The following NPFFR2 variants were observed in gnomAD, a reference collection of about 807,000 sequenced individuals.
The protein encoded by NPFFR2 is G-protein coupled receptor 74.
In NPFFR2, 15 loss-of-function variants were observed where a neutral mutation model predicts 13.1. The observed-to-expected ratio is 1.15, with a 90% CI of 0.77 to 1.76. The LOEUF (loss-of-function observed/expected upper bound fraction) is 1.76, where lower values mean the gene tolerates loss of function less well. Ranked by LOEUF, NPFFR2 falls within the 40% of genes most tolerant of loss-of-function variation. The probability of loss-of-function intolerance (pLI) is 0.00; values close to 1 mark genes in which losing one functional copy is unlikely to be tolerated. For missense variants in NPFFR2, 572 were observed against 503.5 expected (o/e 1.14, Z -1.30); for synonymous variants, 190 against 175.7 (o/e 1.08, Z -0.65).
intron 1 of NPFFR2, among the ~76,000 whole-genome samples, chr4:72,087,352 T>C (rs1333357147): frequency 5.3e-5 from 8 of 152,070 alleles, no homozygotes; most frequent in Non-Finnish European, 1.5e-5. Context: ...ACACAACATA[T>C]AAAAATAAAT....
At chr4:72,099,129 T>G (rs1560410683) in intron 1 of NPFFR2, among the ~76,000 whole-genome samples, 1 of 152,184 alleles carries the variant, frequency 6.6e-6, no homozygotes, top group South Asian at 2.1e-4. Flanking sequence ...TTTCCTGACG[T>G]GTCATTAAAT....
intron 1 of NPFFR2, among the ~76,000 whole-genome samples, chr4:72,098,124 A>C (rs1326026168): frequency 6.6e-6 from 1 of 152,224 alleles, no homozygotes; most frequent in Non-Finnish European, 1.5e-5. Context: ...AGCTCAATGA[A>C]TGTGCATTGA....
intron 3 of NPFFR2, among the ~76,000 whole-genome samples, chr4:72,142,520 C>G (rs1243174662): frequency 6.6e-6 from 1 of 152,158 alleles, no homozygotes; most frequent in East Asian, 1.9e-4. Flanking sequence ...ATCTATCATG[C>G]TGGGAGCTGC....
intron 1 of NPFFR2, among the ~76,000 whole-genome samples, chr4:72,080,948 T>G: frequency 6.8e-6 from 1 of 146,844 alleles, no homozygotes; most frequent in East Asian, 1.9e-4. Flanking sequence ...GAGGCCACAC[T>G]GAGACATCTT....
intron 1 of NPFFR2, among the ~76,000 whole-genome samples, chr4:72,094,965 C>T (rs1265991790): frequency 6.6e-6 from 1 of 152,130 alleles, no homozygotes; most frequent in Admixed American, 6.6e-5. Flanking sequence ...TTTTCCAGAA[C>T]TGTATTTCTT....
intron 1 of NPFFR2, among the ~76,000 whole-genome samples, chr4:72,102,915 T>C (rs1721298249): frequency 6.6e-6 from 1 of 152,048 alleles, no homozygotes; most frequent in African/African-American, 2.4e-5. Context: ...TCAAGTGGTA[T>C]TTCTAGTTCT....
chr4:72,138,601 T>A (rs1364022147), intron 3 of NPFFR2, among the ~76,000 whole-genome samples: 1 of 152,212 alleles, frequency 6.6e-6, no homozygotes, highest in Non-Finnish European at 1.5e-5. Context: ...TCATCCTTTT[T>A]ATGGCTGCAT....
At chr4:72,143,128 T>C (rs1260968458) in intron 3 of NPFFR2, among the ~76,000 whole-genome samples, 1 of 152,082 alleles carries the variant, frequency 6.6e-6, no homozygotes, top group Non-Finnish European at 1.5e-5. Flanking sequence ...CTTATGGCAT[T>C]GAAATAGGAG....
chr4:72,050,942 T>G (rs895481903), intron 1 of NPFFR2, among the ~76,000 whole-genome samples: 31 of 151,960 alleles, frequency 2.0e-4, no homozygotes, highest in Non-Finnish European at 3.5e-4. Flanking sequence ...GGACATGAAC[T>G]CATCATTTTT....
rs1443310407 is a variant in NPFFR2 at position 72,086,465 on chromosome 4, G to T, written c.-7-42120G>T. On this transcript the variant is annotated intron_variant, in intron 1 of 3. Coordinates refer to ENST00000308744, the MANE Select transcript of NPFFR2 (RefSeq NM_004885.3). ...ATAGTGCTCTATTTAGAACCTCTTA[G>T]AATGTAAGCTAGCAAACTGACAATT... is the stretch of plus-strand genomic sequence containing the variant. 2.0e-5 allele frequency among the ~76,000 whole-genome samples: 3 copies of T among 152,004 alleles called. No individual in the cohort carries two copies. In the East Asian group the frequency reaches 5.8e-4, roughly 29 times the overall value.
At chr4:72,066,131 G>A (rs2109779093) in intron 1 of NPFFR2, among the ~76,000 whole-genome samples, 1 of 152,308 alleles carries the variant, frequency 6.6e-6, no homozygotes, top group East Asian at 1.9e-4. Context: ...GTCTGGAGAG[G>A]GCTGCTGTCT....
chr4:72,096,827 T>C (rs4608772), intron 1 of NPFFR2, among the ~76,000 whole-genome samples: 48,303 of 151,794 alleles, frequency 0.32, 8,101 homozygotes, highest in East Asian at 0.49. Flanking sequence ...GTCTAAAATA[T>C]CATAAGTCAA....
At chr4:72,108,232 A>G (rs1560413506) in intron 1 of NPFFR2, among the ~76,000 whole-genome samples, 3 of 152,018 alleles carry the variant, frequency 2.0e-5, no homozygotes, top group African/African-American at 7.2e-5. Context: ...TCATAAATTC[A>G]TATGTTCTGT....
intron 1 of NPFFR2, among the ~76,000 whole-genome samples, chr4:72,060,650 GA>G (rs1315606507): frequency 6.6e-6 from 1 of 152,076 alleles, no homozygotes; most frequent in African/African-American, 2.4e-5. Flanking sequence ...ACCTTTGGGG[GA>G]AAACAACATA....
chr4:72,118,981 G>C (rs1721790633), intron 1 of NPFFR2, among the ~76,000 whole-genome samples: 1 of 152,004 alleles, frequency 6.6e-6, no homozygotes, highest in South Asian at 2.1e-4. Context: ...TATAATAGTG[G>C]AACAGTTAAT....
intron 2 of NPFFR2, among the ~76,000 whole-genome samples, chr4:72,131,850 A>G (rs1366334955): frequency 1.3e-5 from 2 of 152,206 alleles, no homozygotes; most frequent in African/African-American, 4.8e-5. Context: ...TAATCTTGCA[A>G]AAACTGTATG....
intron 1 of NPFFR2, among the ~76,000 whole-genome samples, chr4:72,046,062 G>T (rs10008343): frequency 1 from 152,177 of 152,248 alleles, 76,053 homozygotes; most frequent in Non-Finnish European, 1. Flanking sequence ...GTAAGTAATA[G>T]GTAATATAAT....
At chr4:72,076,006 CAG>C (rs746172911) in intron 1 of NPFFR2, among the ~76,000 whole-genome samples, 1 of 122,760 alleles carries the variant, frequency 8.1e-6, no homozygotes, top group African/African-American at 3.8e-5. Context: ...CACACACACA[CAG>C]AGAGAGAGAG....
intron 3 of NPFFR2, among the ~76,000 whole-genome samples, chr4:72,146,113 G>A (rs1311593856): frequency 6.6e-6 from 1 of 152,070 alleles, no homozygotes; most frequent in Non-Finnish European, 1.5e-5. Context: ...AACATTTAGT[G>A]GCTTCAAACA....
Sources: allele counts gnomAD v4.1 joint callset (sites outside exome capture counted in the v4.1 genomes callset), GRCh38; gene constraint gnomAD v4.1.1; transcripts MANE v1.5; gene names NCBI Gene and HGNC (gene_info 2026-07-23, HGNC 2026-07-21).